The following COPZ1 variants were observed in gnomAD, a reference collection of about 807,000 sequenced individuals.
The protein encoded by COPZ1 is coat protein complex I subunit zeta 1.
Under a neutral mutation model 31.7 loss-of-function variants are expected in COPZ1, and 4 were observed. The observed-to-expected ratio is 0.13, with a 90% CI of 0.06 to 0.29. COPZ1 has a LOEUF of 0.29. COPZ1 is among the 10% of genes least tolerant of loss of function. The pLI is 1.00. For missense variants in COPZ1, 156 were observed against 211.5 expected (o/e 0.74, Z 1.63); for synonymous variants, 74 against 79.0 (o/e 0.94, Z 0.33).
chr12:54,340,710 A>T, intron 2 of COPZ1, 95 bp downstream of exon 2: 1 of 1,277,218 alleles, frequency 7.8e-7, no homozygotes, highest in Non-Finnish European at 1.1e-6. Context: ...TATGTTCCTC[A>T]GTAGTATAAT....
chr12:54,331,593 AC>A (rs1343047880), intron 1 of COPZ1, among the ~76,000 whole-genome samples: 1 of 152,130 alleles, frequency 6.6e-6, no homozygotes, highest in Non-Finnish European at 1.5e-5. Flanking sequence ...GGAGACTAAA[AC>A]CAGAGGAGAA....
chr12:54,348,161 TTC>T (rs1370053604), intron 7 of COPZ1, 110 bp downstream of exon 7: 3 of 864,354 alleles, frequency 3.5e-6, no homozygotes, highest in Non-Finnish European at 5.7e-6. Flanking sequence ...ACATACAACC[TTC>T]TCTTTTTCTT....
chr12:54,325,249 A>C, intron 1 of COPZ1, 68 bp downstream of exon 1: 13 of 1,522,366 alleles, frequency 8.5e-6, no homozygotes, highest in Non-Finnish European at 1.1e-5. Flanking sequence ...GTTCAGCCCG[A>C]GTGGGAGACG....
chr12:54,327,556 C>G (rs1953677067), intron 1 of COPZ1, among the ~76,000 whole-genome samples: 1 of 152,154 alleles, frequency 6.6e-6, no homozygotes, highest in Non-Finnish European at 1.5e-5. Context: ...CTCAGCCTCC[C>G]AAAGTGCTAG....
intron 1 of COPZ1, among the ~76,000 whole-genome samples, chr12:54,330,587 A>G (rs1394250204): frequency 2.6e-5 from 4 of 152,200 alleles, no homozygotes; most frequent in Non-Finnish European, 5.9e-5. Flanking sequence ...CCTCCATGTG[A>G]GGAAAACCAG....
chr12:54,349,827 C>A (rs922111668), intron 8 of COPZ1, 169 bp downstream of exon 8: 5 of 709,098 alleles, frequency 7.1e-6, no homozygotes, highest in African/African-American at 3.5e-5. Context: ...CCACTCCCTA[C>A]CCCTACTTCC....
chr12:54,336,532 G>A (rs1469388757), intron 1 of COPZ1, among the ~76,000 whole-genome samples: 1 of 149,486 alleles, frequency 6.7e-6, no homozygotes, highest in East Asian at 2.0e-4. Context: ...GCGAGACTCC[G>A]TCTCAAAAAA....
At position 54,325,217 on chromosome 12, in the gene COPZ1, T is replaced by C. The variant is rs1378354778; in HGVS notation, c.18+36T>C. On this transcript the variant is annotated intron_variant, in intron 1 of 8. Transcript: ENST00000262061. ...GAGGGGCAGCAGAGATGCTGTGGTG[T>C]CCACAGGGGCCGGGAGTCAGGGTTC... 1.9e-6 allele frequency: 3 copies of C among 1,551,732 alleles called. No homozygotes were observed. In the East Asian group the frequency reaches 7.3e-5, roughly 38 times the overall value.
intron 4 of COPZ1, 87 bp from the exon 5 acceptor site, chr12:54,345,372 AT>A (rs1159529251): frequency 2.1e-5 from 19 of 903,560 alleles, no homozygotes; most frequent in Non-Finnish European, 2.2e-5. Context: ...GTGTCTTTTG[AT>A]GTTTAATGAA....
intron 1 of COPZ1, among the ~76,000 whole-genome samples, chr12:54,326,067 C>T (rs1385074217): frequency 6.6e-6 from 1 of 150,710 alleles, no homozygotes; most frequent in Admixed American, 6.6e-5. Context: ...GTGATCCGCC[C>T]GCCTCGGCCT....
chr12:54,339,980 CGTGTGTGTGTGTGT>C (rs10522684), intron 1 of COPZ1, among the ~76,000 whole-genome samples: 36 of 142,164 alleles, frequency 2.5e-4, no homozygotes, highest in East Asian at 1.0e-3. Flanking sequence ...TGTGCCTGTG[CGTGTGTGTGTGTGT>C]GTGTGTGTGT....
At chr12:54,330,725 T>C (rs1442420077) in intron 1 of COPZ1, among the ~76,000 whole-genome samples, 1 of 152,186 alleles carries the variant, frequency 6.6e-6, no homozygotes, top group East Asian at 1.9e-4. Context: ...CTTACTTTAC[T>C]CCATTGACAT....
At chr12:54,332,748 G>GAA (rs879588116) in intron 1 of COPZ1, among the ~76,000 whole-genome samples, 4 of 143,618 alleles carry the variant, frequency 2.8e-5, no homozygotes, top group African/African-American at 1.0e-4. Flanking sequence ...AAAAAAAAGG[G>GAA]AAAAAAAAAA....
chr12:54,342,128 C>T (rs1487792259), intron 2 of COPZ1, 78 bp from the exon 3 acceptor site: 11 of 1,038,496 alleles, frequency 1.1e-5, no homozygotes, highest in Non-Finnish European at 1.7e-5. Flanking sequence ...ATCCAAGATC[C>T]CAGGGCAAAA....
intron 1 of COPZ1, among the ~76,000 whole-genome samples, chr12:54,336,088 T>C (rs4759076): frequency 0.43 from 65,613 of 152,060 alleles, 15,868 homozygotes; most frequent in South Asian, 0.73. Context: ...CATTATAGTT[T>C]CCAAGTATCC....
At chr12:54,347,407 A>G (rs146807465) in intron 5 of COPZ1, among the ~76,000 whole-genome samples, 1 of 152,342 alleles carries the variant, frequency 6.6e-6, no homozygotes, top group African/African-American at 2.4e-5. Context: ...GGCCACCTCC[A>G]GACTGAGTCT....
chr12:54,337,864 C>T (rs1472385722), intron 1 of COPZ1, among the ~76,000 whole-genome samples: 2 of 152,154 alleles, frequency 1.3e-5, no homozygotes. Context: ...TTTATTCTTC[C>T]CAGGAAGATC....
rs376077068 is a variant in COPZ1 at position 54,340,560 on chromosome 12, A to T, written c.32A>T (p.Tyr11Phe). 1.2e-6 allele frequency: 2 copies of T among 1,614,140 alleles called. No individual in the cohort carries two copies. Among genetic ancestry groups the T allele is most frequent in the Non-Finnish European group, 1.7e-6 (2 of 1,180,012 alleles). ...GTATCTCTTCAGGAACCTTCCCTGT[A>T]TACTGTCAAAGCCATCCTGATTCTG... is the stretch of plus-strand genomic sequence containing the variant. MEALILEPSL[Y>F]TVKAILILDN... The change falls in exon 2 of 9, where the codon TAT becomes TTT. Residue 11 changes from tyrosine (Y) to phenylalanine (F), a missense_variant. By Grantham distance (22) the Tyr-to-Phe change is conservative. Transcript: ENST00000262061.
intron 8 of COPZ1, chr12:54,350,211 C>G (rs1954124419): frequency 1.4e-6 from 1 of 699,736 alleles, no homozygotes; most frequent in Non-Finnish European, 2.6e-6. Flanking sequence ...TAACATATGT[C>G]CAGTAACTCC....
Sources: allele counts gnomAD v4.1 joint callset (sites outside exome capture counted in the v4.1 genomes callset), GRCh38; gene constraint gnomAD v4.1.1; transcripts MANE v1.5; gene names NCBI Gene and HGNC (gene_info 2026-07-23, HGNC 2026-07-21).